Variants in IMMP2L observed in about 807,000 individuals in gnomAD.
The protein encoded by IMMP2L is mitochondrial inner membrane protease subunit 2.
In IMMP2L, 18 loss-of-function variants were observed where a neutral mutation model predicts 19.3. The ratio of observed to expected loss-of-function variants is 0.93; its 90% CI spans 0.64 to 1.38. The LOEUF is 1.38. Ranked by LOEUF, IMMP2L falls within the 40% of genes most tolerant of loss-of-function variation. The pLI is 0.00. For synonymous variants in IMMP2L, 76 were observed against 73.0 expected, an observed-to-expected ratio of 1.04 and a Z score of -0.21; for missense variants, 233 against 218.2, an observed-to-expected ratio of 1.07 and a Z score of -0.43.
chr7:111,378,950 A>G (rs1359505576), intron 3 of IMMP2L, among the ~76,000 whole-genome samples: 1 of 151,862 alleles, frequency 6.6e-6, no homozygotes, highest in Non-Finnish European at 1.5e-5. Flanking sequence ...ATTCCATAAG[A>G]ATACAAGATA....
At chr7:110,797,941 G>A (rs922918237) in intron 5 of IMMP2L, among the ~76,000 whole-genome samples, 1 of 151,968 alleles carries the variant, frequency 6.6e-6, no homozygotes, top group African/African-American at 2.4e-5. Flanking sequence ...ATTAAATGAT[G>A]TAGAAGAAGG....
chr7:110,990,449 C>T (rs1368917061), intron 3 of IMMP2L, among the ~76,000 whole-genome samples: 1 of 152,154 alleles, frequency 6.6e-6, no homozygotes, highest in African/African-American at 2.4e-5. Flanking sequence ...TAGCACCATT[C>T]TTCTAAATGT....
intron 3 of IMMP2L, among the ~76,000 whole-genome samples, chr7:111,080,478 G>C (rs1045065957): frequency 8.4e-5 from 12 of 143,306 alleles, no homozygotes; most frequent in African/African-American, 2.6e-4. Flanking sequence ...ATATACATGT[G>C]TGTATTATAT....
At chr7:110,838,559 AG>A (rs1320014423) in intron 5 of IMMP2L, among the ~76,000 whole-genome samples, 1 of 151,674 alleles carries the variant, frequency 6.6e-6, no homozygotes, top group Admixed American at 6.6e-5. Flanking sequence ...ATATCATAGG[AG>A]TGGAACTGGT....
chr7:111,335,533 A>G (rs1004842988), intron 3 of IMMP2L, among the ~76,000 whole-genome samples: 11 of 152,166 alleles, frequency 7.2e-5, no homozygotes, highest in South Asian at 2.1e-4. Context: ...GAACATGAAG[A>G]TATCTCCAAG....
intron 3 of IMMP2L, among the ~76,000 whole-genome samples, chr7:111,399,854 A>G (rs1584952965): frequency 6.6e-6 from 1 of 152,220 alleles, no homozygotes; most frequent in East Asian, 1.9e-4. Flanking sequence ...TTCCCATGCT[A>G]CCAGCACTAT....
intron 3 of IMMP2L, among the ~76,000 whole-genome samples, chr7:111,118,681 T>C (rs930607083): frequency 4.6e-5 from 7 of 152,144 alleles, no homozygotes; most frequent in African/African-American, 1.7e-4. Flanking sequence ...TATTATTACT[T>C]ACTTATTATC....
At chr7:111,112,955 G>A (rs774657121) in intron 3 of IMMP2L, among the ~76,000 whole-genome samples, 9 of 151,980 alleles carry the variant, frequency 5.9e-5, no homozygotes, top group South Asian at 2.1e-4. Context: ...TTCTTTCAAC[G>A]TATGTTTTAT....
intron 5 of IMMP2L, among the ~76,000 whole-genome samples, chr7:110,789,993 C>T (rs1227181185): frequency 6.6e-6 from 1 of 151,602 alleles, no homozygotes; most frequent in African/African-American, 2.4e-5. Flanking sequence ...TTTGACTTAC[C>T]ATTACCTGAG....
intron 3 of IMMP2L, among the ~76,000 whole-genome samples, chr7:111,203,764 C>T (rs1014191282): frequency 4.0e-5 from 6 of 151,194 alleles, no homozygotes; most frequent in African/African-American, 9.7e-5. Context: ...AAAAGATCCT[C>T]GGGGTATTTA....
At chr7:111,556,132 T>C (rs13245921) in intron 1 of IMMP2L, among the ~76,000 whole-genome samples, 115,552 of 148,508 alleles carry the variant, frequency 0.78, 46,605 homozygotes, top group East Asian at 0.97. Flanking sequence ...CATACAGAGA[T>C]GGAGAATAAA....
intron 5 of IMMP2L, among the ~76,000 whole-genome samples, chr7:110,844,579 T>C (rs1440376705): frequency 6.6e-6 from 1 of 151,710 alleles, no homozygotes; most frequent in Non-Finnish European, 1.5e-5. Flanking sequence ...GGTTAATCAA[T>C]AGGGGAGCTT....
intron 4 of IMMP2L, among the ~76,000 whole-genome samples, chr7:110,892,042 G>A (rs1024808776): frequency 1.3e-5 from 2 of 152,040 alleles, no homozygotes; most frequent in Non-Finnish European, 2.9e-5. Flanking sequence ...GCACTTTGAT[G>A]TGCTAAACTG....
At chr7:111,254,727 T>A in intron 3 of IMMP2L, among the ~76,000 whole-genome samples, 1 of 152,130 alleles carries the variant, frequency 6.6e-6, no homozygotes, top group East Asian at 1.9e-4. Context: ...ACAACATAAG[T>A]CCCAGAGTCG....
intron 2 of IMMP2L, among the ~76,000 whole-genome samples, chr7:111,513,488 A>G (rs1845628615): frequency 6.6e-6 from 1 of 152,092 alleles, no homozygotes; most frequent in Non-Finnish European, 1.5e-5. Context: ...AGAAAAGAGA[A>G]CCCTTGTGCT....
rs1792191937 is a variant in IMMP2L, at chr7:111,562,388, GCTAC to G, written c.-544_-541del. On this transcript the variant is annotated 5_prime_UTR_variant, in exon 1 of 6. Coordinates refer to ENST00000405709, the MANE Select transcript of IMMP2L (RefSeq NM_032549.4). ...CCCAAGAGACCACCAAGGGTCGGCG[GCTAC>G]GCGCCCGCCGACCCCTGCCAGCCTC... 1 of 150,826 alleles carries G rather than the reference GCTAC, an allele frequency of 6.6e-6. No individual in the cohort carries two copies. The highest frequency in any genetic ancestry group is 2.4e-5 in the African/African-American group (1 of 41,228). The allele number at this position is 150,826 out of a possible 1,614,324, so 9.3% of individuals were successfully genotyped here.
intron 3 of IMMP2L, among the ~76,000 whole-genome samples, chr7:111,010,226 T>C (rs1824791338): frequency 6.6e-6 from 1 of 152,152 alleles, no homozygotes; most frequent in Non-Finnish European, 1.5e-5. Flanking sequence ...AATACATATT[T>C]TCAAAGACTT....
intron 3 of IMMP2L, among the ~76,000 whole-genome samples, chr7:111,455,244 T>A (rs1279953998): frequency 6.6e-6 from 1 of 151,646 alleles, no homozygotes; most frequent in Non-Finnish European, 1.5e-5. Context: ...CATTTCAGCA[T>A]CCTTGATTGC....
chr7:110,719,745 C>G (rs1795455155), intron 5 of IMMP2L, among the ~76,000 whole-genome samples: 1 of 152,140 alleles, frequency 6.6e-6, no homozygotes, highest in Non-Finnish European at 1.5e-5. Context: ...AGAAAATAAA[C>G]AGCTTTAAAT....
Sources: allele counts gnomAD v4.1 joint callset (sites outside exome capture counted in the v4.1 genomes callset), GRCh38; gene constraint gnomAD v4.1.1; transcripts MANE v1.5; gene names NCBI Gene and HGNC (gene_info 2026-07-23, HGNC 2026-07-21).